LPIN2: variants seen among roughly 807,000 people sequenced by gnomAD.
LPIN2 encodes phosphatidate phosphatase LPIN2.
In LPIN2, 55 loss-of-function variants were observed where a neutral mutation model predicts 111.4. That is an observed-to-expected ratio of 0.49 (90% confidence interval 0.40 to 0.62). The LOEUF (loss-of-function observed/expected upper bound fraction) is 0.62, where lower values mean the gene tolerates loss of function less well. Ranked by LOEUF, LPIN2 falls within the 20% of genes least tolerant of loss-of-function variation. The pLI is 0.00. For missense variants in LPIN2, 992 were observed against 1,112.1 expected, an observed-to-expected ratio of 0.89 and a Z score of 1.54; for synonymous variants, 425 against 414.0, an observed-to-expected ratio of 1.03 and a Z score of -0.32.
chr18:2,921,116 G>T, intron 18 of LPIN2: 1 of 593,714 alleles, frequency 1.7e-6, no homozygotes. Flanking sequence ...CCCTGGCGCA[G>T]AAGAGGCCAG....
chr18:2,932,337 G>A (rs2077222305), intron 8 of LPIN2, among the ~76,000 whole-genome samples: 1 of 152,096 alleles, frequency 6.6e-6, no homozygotes. Context: ...TGACCCAGAG[G>A]TTTACTGGCT....
At chr18:2,975,960 G>T (rs2078006848) in intron 1 of LPIN2, among the ~76,000 whole-genome samples, 1 of 151,920 alleles carries the variant, frequency 6.6e-6, no homozygotes, top group African/African-American at 2.4e-5. Flanking sequence ...AACTCTATCG[G>T]AAGTTTTTTC....
chr18:2,986,547 T>TGAAAAAA lies in LPIN2; in HGVS notation c.-9-25699_-9-25698insTTTTTTC, dbSNP rs10692682. 2.9e-4 allele frequency among the ~76,000 whole-genome samples: 39 copies of TGAAAAAA among 135,034 alleles called. 2 individuals carry two copies. Among genetic ancestry groups the TGAAAAAA allele is most frequent in the East Asian group, 1.1e-3 (5 of 4,608 alleles). 88.6% of individuals were successfully genotyped at this position (135,034 alleles called of 152,430 possible). On this transcript the variant is annotated intron_variant, in intron 1 of 19. Transcript: ENST00000677752. The stretch of plus-strand genomic sequence containing the variant: ...TTGTGATAAGTCTATTTTTTTAATG[T>TGAAAAAA]AAAAAAAAAAAAAAAAGAAAGACTA...
At chr18:2,920,508 T>C in intron 19 of LPIN2, 71 bp from the exon 20 acceptor site, 2 of 1,546,878 alleles carry the variant, frequency 1.3e-6, no homozygotes, top group Non-Finnish European at 1.8e-6. Flanking sequence ...GATGGGGGGC[T>C]GTGAAGCTGT....
chr18:3,001,106 G>C (rs1184706214), intron 1 of LPIN2, among the ~76,000 whole-genome samples: 1 of 152,126 alleles, frequency 6.6e-6, no homozygotes, highest in South Asian at 2.1e-4. Context: ...CTATCAGTTG[G>C]GTAGGAGGCT....
Position 2,920,771 on chromosome 18 carries a change from T to C in LPIN2, c.2546+7A>G, listed in dbSNP as rs1231984535. ...GGCGCCGGGCTGAGAGCTGAGAATG[T>C]ACTTACGATGACTTGTTTCCTTTGG... is the stretch of plus-strand genomic sequence containing the variant. On this transcript the variant is annotated splice_region_variant and intron_variant, in intron 19 of 19. Coordinates refer to ENST00000677752, the MANE Select transcript of LPIN2 (RefSeq NM_001375808.2). 2.5e-6 allele frequency: 4 copies of C among 1,609,512 alleles called. No homozygotes were observed. The highest frequency in any genetic ancestry group is 1.3e-5 in the African/African-American group (1 of 74,954).
intron 19 of LPIN2, 82 bp downstream of exon 19, chr18:2,920,696 G>A: frequency 6.7e-6 from 7 of 1,051,676 alleles, no homozygotes; most frequent in South Asian, 1.3e-5. Context: ...TCAAGGATCA[G>A]GGGGAAAAGG....
At chr18:2,962,053 C>T (rs1048463270) in intron 1 of LPIN2, among the ~76,000 whole-genome samples, 24 of 152,184 alleles carry the variant, frequency 1.6e-4, no homozygotes, top group African/African-American at 5.8e-4. Context: ...AGAAAGAATG[C>T]TGTCTTCTTG....
chr18:2,928,582 T>A lies in LPIN2; in HGVS notation c.1620+9A>T. ...TTTCGGAAAGGCAGCAGATGGTGGA[T>A]CGCCTCACCTTAGGCAAGCTCTTCT... is the stretch of plus-strand genomic sequence containing the variant. On this transcript the variant is annotated intron_variant, in intron 11 of 19. Transcript: ENST00000677752. The A allele has an allele frequency of 6.2e-7, 1 of 1,614,124 alleles. No individual in the cohort carries two copies. Among genetic ancestry groups the A allele is most frequent in the Non-Finnish European group, 8.5e-7 (1 of 1,179,974 alleles).
chr18:2,985,508 A>T (rs913889824), intron 1 of LPIN2: 5 of 151,870 alleles, frequency 3.3e-5, no homozygotes, highest in African/African-American at 1.2e-4. Context: ...TCTTTCAAAA[A>T]AAAATAGTCT....
intron 1 of LPIN2, among the ~76,000 whole-genome samples, chr18:2,961,485 T>A (rs17556242): frequency 0.065 from 9,828 of 152,230 alleles, 416 homozygotes; most frequent in Non-Finnish European, 0.095. Flanking sequence ...AACTGGAACA[T>A]GCAATCAAGT....
chr18:2,968,790 G>T (rs944599494), intron 1 of LPIN2, among the ~76,000 whole-genome samples: 1 of 152,178 alleles, frequency 6.6e-6, no homozygotes, highest in Non-Finnish European at 1.5e-5. Context: ...TTTATCATGT[G>T]GGCAATGGGT....
chr18:2,995,102 A>G (rs1220284913), intron 1 of LPIN2, among the ~76,000 whole-genome samples: 1 of 152,182 alleles, frequency 6.6e-6, no homozygotes, highest in Non-Finnish European at 1.5e-5. Context: ...TGAGGATCCC[A>G]TGAGGTGGTG....
In LPIN2 at chr18:2,931,004, C is replaced by G. The variant is rs1020942171; in HGVS notation, c.1456+252G>C. Among the ~76,000 whole-genome samples, 5 of 152,232 alleles carry G rather than the reference C, an allele frequency of 3.3e-5. No individual in the cohort carries two copies. In the East Asian group the frequency reaches 7.7e-4, roughly 24 times the overall value. ...CTGGCAGCTCAGAAAACAGGGCGGC[C>G]TGATAACTCCCAACCTCTTAATTTG... On this transcript the variant is annotated intron_variant, in intron 9 of 19. Coordinates refer to ENST00000677752, the MANE Select transcript of LPIN2 (RefSeq NM_001375808.2).
At position 2,921,586 on chromosome 18, in the gene LPIN2, G is replaced by C. The variant is rs1159558794; in HGVS notation, c.2389C>G (p.Leu797Val). The C allele has an allele frequency of 6.2e-7, 1 of 1,614,150 alleles. No individual in the cohort carries two copies. Among genetic ancestry groups the C allele is most frequent in the Admixed American group, 1.7e-5 (1 of 60,028 alleles). ...KIECLNDIKN[L>V]FAPSKQPFYA... ...AAGGGCTGCTTAGACGGGGCAAACA[G>C]ATTCTTGATATCATTTAGACACTCA... Residue 797 changes from leucine (L) to valine (V), a missense_variant, in exon 18 of 20, where the codon CTG becomes GTG. Physicochemically the swap from Leu to Val is conservative, Grantham distance 32. Transcript: ENST00000677752.
chr18:2,989,545 A>G (rs552408638), intron 1 of LPIN2, among the ~76,000 whole-genome samples: 1 of 152,318 alleles, frequency 6.6e-6, no homozygotes, highest in African/African-American at 2.4e-5. Context: ...ATGGAGTTAC[A>G]AGGGGCCCTG....
chr18:2,958,140 TCAAAAAAAAAAAAAAAACAA>T (rs2077642376), intron 2 of LPIN2, among the ~76,000 whole-genome samples: 1 of 5,908 alleles, frequency 1.7e-4, no homozygotes, highest in African/African-American at 8.4e-4. Context: ...AGACTCCATC[TCAAAAAAAAAAAAAAAACAA>T]CAAAAAAAAA....
rs746626720 is a variant in LPIN2 at position 2,934,456 on chromosome 18, TA to T, written c.1169-7del. ...TTGGCTTCTTTTGTGAACACCTGTT[TA>T]AAAAAAAAATCAGAGGTAAGAATTT... On this transcript the variant is annotated splice_region_variant and splice_polypyrimidine_tract_variant and intron_variant, in intron 7 of 19. Transcript: ENST00000677752. 1.7e-3 allele frequency: 2,478 copies of T among 1,489,818 alleles called. 5 individuals carry two copies. Among genetic ancestry groups the T allele is most frequent in the Middle Eastern group, 6.2e-3 (35 of 5,680 alleles). 92.3% of individuals were successfully genotyped at this position (1,489,818 alleles called of 1,614,324 possible). A position where few individuals can be genotyped will look rare whatever the true frequency, so the allele number is the denominator to read the frequency against.
chr18:2,982,227 T>C (rs2078122026), intron 1 of LPIN2, among the ~76,000 whole-genome samples: 2 of 152,188 alleles, frequency 1.3e-5, no homozygotes, highest in South Asian at 4.1e-4. Context: ...AAATACAACG[T>C]CAGCTTCAAA....
Sources: gnomAD v4.1 joint callset for allele counts (sites outside exome capture counted in the v4.1 genomes callset) on GRCh38, gnomAD v4.1.1 for gene constraint, MANE v1.5 for transcripts, NCBI Gene and HGNC (gene_info 2026-07-23, HGNC 2026-07-21) for gene names.